Variants in TOR4A observed in about 807,000 individuals in gnomAD.
TOR4A encodes the protein torsin-4A.
A neutral mutation model predicts 11.5 loss-of-function variants in TOR4A; 12 were observed. That is an observed-to-expected ratio of 1.04 (90% confidence interval 0.67 to 1.69). TOR4A has a LOEUF of 1.69. Ranked by LOEUF, TOR4A falls within the 40% of genes most tolerant of loss-of-function variation. The pLI is 0.00. For missense variants in TOR4A, 640 were observed against 643.2 expected (o/e 0.99, Z 0.05); for synonymous variants, 362 against 307.4 (o/e 1.18, Z -1.86).
In TOR4A at chr9:137,280,317, G is replaced by A. The variant is rs138341368; in HGVS notation, c.*356G>A. 1.5e-3 allele frequency: 472 copies of A among 321,164 alleles called. 2 individuals are homozygous for A. The highest frequency in any genetic ancestry group is 9.2e-3 in the African/African-American group (435 of 47,532). 19.9% of individuals were successfully genotyped at this position (321,164 alleles called of 1,614,324 possible). On this transcript the variant is annotated 3_prime_UTR_variant, in exon 2 of 2. Coordinates refer to ENST00000357503, the MANE Select transcript of TOR4A (RefSeq NM_017723.3). ...GGTCACACAGCTGGGACGTGACCCC[G>A]CCTCTTGGGGGTGGTCGCGTGTTGC...
Position 137,279,211 on chromosome 9 carries a change from G to A in TOR4A, c.522G>A (p.Leu174=), listed in dbSNP as rs769019138. Residue 174 remains leucine, a synonymous_variant, in exon 2 of 2, where the codon CTG becomes CTA. Coordinates refer to ENST00000357503, the MANE Select transcript of TOR4A (RefSeq NM_017723.3). ...QPAAVSRIVA[L]MRDYLATHVH... is the part of the protein sequence containing the mutation. Reference sequence around the variant, plus strand: ...CTGCCGTATCGCGCATCGTGGCGCTGATGCGGGACTACCTGGCCACGCATG... The same window carrying A: ...CTGCCGTATCGCGCATCGTGGCGCTAATGCGGGACTACCTGGCCACGCATG... 10 of 1,547,402 alleles carry A rather than the reference G, an allele frequency of 6.5e-6. No individual in the cohort carries two copies. Among genetic ancestry groups the A allele is most frequent in the African/African-American group, 2.7e-5 (2 of 73,182 alleles).
Position 137,279,747 on chromosome 9 carries a change from C to G in TOR4A, c.1058C>G (p.Pro353Arg). ...SLLAVLSREH[P>R]LWQAAAIVPF... ...CTGGCTGTGCTGTCCCGGGAGCATC[C>G]GCTGTGGCAGGCCGCGGCCATCGTG... Residue 353 changes from proline (P) to arginine (R), a missense_variant, in exon 2 of 2, where the codon CCG becomes CGG. Physicochemically the swap from Pro to Arg is moderately radical, Grantham distance 103. Coordinates refer to ENST00000357503, the MANE Select transcript of TOR4A (RefSeq NM_017723.3). The G allele has an allele frequency of 1.3e-6, 2 of 1,584,060 alleles. No homozygotes were observed. The highest frequency in any genetic ancestry group is 1.7e-6 in the Non-Finnish European group (2 of 1,172,782).
Position 137,282,616 on chromosome 9 carries a change from T to TAACA in TOR4A, c.*2657_*2658insCAAA. On this transcript the variant is annotated 3_prime_UTR_variant, in exon 2 of 2. Transcript: ENST00000357503. ...AAACGAGGCCACAAATCATGCTTGTTAATAAATTGTGTGGTTCAAATCTGA... is the reference window on the plus strand; with the variant it reads ...AAACGAGGCCACAAATCATGCTTGTTAACAAATAAATTGTGTGGTTCAAATCTGA... The TAACA allele has an allele frequency of 6.0e-6, 1 of 167,234 alleles. No individual in the cohort carries two copies. The allele number at this position is 167,234 out of a possible 1,614,324, so 10.4% of individuals were successfully genotyped here.
At chr9:137,278,578 G>A (rs1830673122) in intron 1 of TOR4A, 75 bp from the exon 2 acceptor site, 3 of 1,065,522 alleles carry the variant, frequency 2.8e-6, no homozygotes, top group Non-Finnish European at 3.6e-6. Context: ...AGATCACTCC[G>A]GGGACCGGTT....
At position 137,279,574 on chromosome 9, in the gene TOR4A, C is replaced by G; in HGVS notation, c.885C>G (p.Ile295Met). 2 of 1,578,930 alleles carry G rather than the reference C, an allele frequency of 1.3e-6. No individual in the cohort carries two copies. The highest frequency in any genetic ancestry group is 1.7e-6 in the Non-Finnish European group (2 of 1,165,976). The stretch of plus-strand genomic sequence containing the variant: ...GCTCCCACCACTTCCACAACGCCAT[C>G]TACGTGCTCCTCAGTGGCGCGGGTG... ...PQRSHHFHNA[I>M]YVLLSGAGGA... is the part of the protein sequence containing the mutation. Residue 295 changes from isoleucine to methionine, a missense_variant, in exon 2 of 2, where the codon ATC becomes ATG. Transcript: ENST00000357503.
Position 137,279,140 on chromosome 9 carries a change from G to T in TOR4A, c.451G>T (p.Asp151Tyr). ...CGATAACGCGCAGCGCTATGACCTC[G>T]ACGGGCTGGAGAAAGCGCTGCAGCG... is the stretch of plus-strand genomic sequence containing the variant. ...LDDNAQRYDL[D>Y]GLEKALQRAV... is the part of the protein sequence containing the mutation. Residue 151 changes from aspartate to tyrosine, a missense_variant, in exon 2 of 2, where the codon GAC becomes TAC. Coordinates refer to ENST00000357503, the MANE Select transcript of TOR4A (RefSeq NM_017723.3). 6.3e-7 allele frequency: 1 copy of T among 1,580,278 alleles called. No homozygotes were observed. The highest frequency in any genetic ancestry group is 1.2e-5 in the South Asian group (1 of 86,768).
rs765886401 is a variant in TOR4A, at chr9:137,278,794, G to A, written c.105G>A (p.Arg35=). 6.8e-7 allele frequency: 1 copy of A among 1,460,594 alleles called. No homozygotes were observed. The highest frequency in any genetic ancestry group is 8.9e-7 in the Non-Finnish European group (1 of 1,117,798). 90.5% of individuals were successfully genotyped at this position (1,460,594 alleles called of 1,614,324 possible). ...PVRAVLRLRR[R]VCVLRKRRLL... is the part of the protein sequence containing the mutation. Reference sequence around the variant, plus strand: ...GCGCTGTGCTCCGCCTGCGCCGCCGGGTGTGTGTCCTACGCAAACGGCGCC... The same window carrying A: ...GCGCTGTGCTCCGCCTGCGCCGCCGAGTGTGTGTCCTACGCAAACGGCGCC... The change falls in exon 2 of 2, where the codon CGG becomes CGA. Residue 35 remains arginine, a synonymous_variant. Coordinates refer to ENST00000357503, the MANE Select transcript of TOR4A (RefSeq NM_017723.3).
In TOR4A at chr9:137,278,707, C is replaced by CAGCCTGGAGCCTGCTGCCGCGGCCCCCCG; in HGVS notation, c.24_52dup (p.Ser18TrpfsTer15). 1.5e-6 allele frequency: 2 copies of CAGCCTGGAGCCTGCTGCCGCGGCCCCCCG among 1,363,810 alleles called. No individual in the cohort carries two copies. The highest frequency in any genetic ancestry group is 1.9e-6 in the Non-Finnish European group (2 of 1,064,272). 84.5% of individuals were successfully genotyped at this position (1,363,810 alleles called of 1,614,324 possible). ...CCTGCGACATGGACCGCGGCCAGCCCAGCCTGGAGCCTGCTGCCGCGGCCC... is the reference window on the plus strand; with the variant it reads ...CCTGCGACATGGACCGCGGCCAGCCCAGCCTGGAGCCTGCTGCCGCGGCCCCCCGAGCCTGGAGCCTGCTGCCGCGGCCC... On this transcript the variant is annotated frameshift_variant, in exon 2 of 2. Coordinates refer to ENST00000357503, the MANE Select transcript of TOR4A (RefSeq NM_017723.3). LOFTEE classifies it high-confidence loss of function.
Position 137,279,658 on chromosome 9 carries a change from C to T in TOR4A, c.969C>T (p.Pro323=), listed in dbSNP as rs528018626. Residue 323 remains proline (P), a synonymous_variant, in exon 2 of 2, where the codon CCC becomes CCT. Transcript: ENST00000357503. ...QNASRALPLR[P]DGFRSAEAAA... is the part of the protein sequence containing the mutation. ...CGTCCCGCGCGCTGCCCCTGCGCCCCGACGGCTTCCGCAGTGCCGAGGCCG... is the reference window on the plus strand; with the variant it reads ...CGTCCCGCGCGCTGCCCCTGCGCCCTGACGGCTTCCGCAGTGCCGAGGCCG... The T allele has an allele frequency of 6.4e-7, 1 of 1,563,492 alleles. No individual in the cohort carries two copies. Among genetic ancestry groups the T allele is most frequent in the Non-Finnish European group, 8.6e-7 (1 of 1,160,058 alleles).
chr9:137,282,207 C>CT lies in TOR4A; in HGVS notation c.*2256dup, dbSNP rs551038826. On this transcript the variant is annotated 3_prime_UTR_variant, in exon 2 of 2. Transcript: ENST00000357503. The stretch of plus-strand genomic sequence containing the variant: ...ATTTTATCTCTTTCTTTCTTTCTTT[C>CT]TTTTTTTTTTGACACAGAGTTTTGC... 69 of 160,792 alleles carry CT rather than the reference C, an allele frequency of 4.3e-4. No individual in the cohort carries two copies. Among genetic ancestry groups the CT allele is most frequent in the African/African-American group, 6.1e-4 (25 of 40,824 alleles). The allele number at this position is 160,792 out of a possible 1,614,324, so 10.0% of individuals were successfully genotyped here. A position where few individuals can be genotyped will look rare whatever the true frequency, so the allele number is the denominator to read the frequency against.
In TOR4A at chr9:137,279,922, C is replaced by A; in HGVS notation, c.1233C>A (p.Thr411=). 2 of 1,580,096 alleles carry A rather than the reference C, an allele frequency of 1.3e-6. No individual in the cohort carries two copies. Among genetic ancestry groups the A allele is most frequent in the Non-Finnish European group, 1.7e-6 (2 of 1,164,006 alleles). The stretch of plus-strand genomic sequence containing the variant: ...TGGCTGGCCGCGAGTTTGCCGTCAC[C>A]GGCTGCAAGCAGGTGGTGGCCACGG... The part of the protein sequence containing the change: ...YRVAGREFAV[T]GCKQVVATVN... Residue 411 remains threonine (T), a synonymous_variant, in exon 2 of 2, where the codon ACC becomes ACA. Transcript: ENST00000357503.
chr9:137,279,448 G>A lies in TOR4A; in HGVS notation c.759G>A (p.Arg253=). ...LARRVADVVA[R]AEAEEKTPLL... ...GGCGCGTGGCCGACGTGGTGGCGCG[G>A]GCCGAAGCGGAGGAGAAGACCCCAC... The change falls in exon 2 of 2, where the codon CGG becomes CGA. Residue 253 remains arginine, a synonymous_variant. Coordinates refer to ENST00000357503, the MANE Select transcript of TOR4A (RefSeq NM_017723.3). 1.3e-6 allele frequency: 2 copies of A among 1,541,012 alleles called. No individual in the cohort carries two copies. Among genetic ancestry groups the A allele is most frequent in the South Asian group, 1.2e-5 (1 of 84,072 alleles).
Position 137,280,131 on chromosome 9 carries a change from C to T in TOR4A, c.*170C>T, listed in dbSNP as rs73567790. The T allele has an allele frequency of 1.1e-3, 866 of 766,728 alleles. 4 individuals carry two copies. The African/African-American group carries it at 0.012, about 11-fold the overall frequency. 47.5% of individuals were successfully genotyped at this position (766,728 alleles called of 1,614,324 possible). On this transcript the variant is annotated 3_prime_UTR_variant, in exon 2 of 2. Transcript: ENST00000357503. ...CCAGGTCCACACCCGCCTCAGAGTC[C>T]GGAGTCTGTCCCTGGGGGCGGCAGG... is the stretch of plus-strand genomic sequence containing the variant.
chr9:137,279,603 C>T lies in TOR4A; in HGVS notation c.914C>T (p.Ala305Val). 1.3e-6 allele frequency: 2 copies of T among 1,567,878 alleles called. No homozygotes were observed. The highest frequency in any genetic ancestry group is 4.6e-5 in the East Asian group (2 of 43,300). The change falls in exon 2 of 2, where the codon GCC (alanine) becomes GTC (valine). Residue 305 changes from alanine to valine, a missense_variant. Ala to Val is a moderately conservative substitution (Grantham distance 64). Coordinates refer to ENST00000357503, the MANE Select transcript of TOR4A (RefSeq NM_017723.3). Reference protein sequence around the residue: ...IYVLLSGAGGAEVTRFVLQNA... With the variant: ...IYVLLSGAGGVEVTRFVLQNA... Reference sequence around the variant, plus strand: ...GTGCTCCTCAGTGGCGCGGGTGGCGCCGAGGTCACGCGCTTCGTGCTGCAG... The same window carrying T: ...GTGCTCCTCAGTGGCGCGGGTGGCGTCGAGGTCACGCGCTTCGTGCTGCAG...
At position 137,279,846 on chromosome 9, in the gene TOR4A, C is replaced by A; in HGVS notation, c.1157C>A (p.Pro386His). The A allele has an allele frequency of 6.3e-7, 1 of 1,594,496 alleles. No individual in the cohort carries two copies. Among genetic ancestry groups the A allele is most frequent in the East Asian group, 2.3e-5 (1 of 44,244 alleles). The change falls in exon 2 of 2, where the codon CCT becomes CAT. Residue 386 changes from proline to histidine, a missense_variant. Pro to His is a moderately conservative substitution (Grantham distance 77, BLOSUM62 -2). Transcript: ENST00000357503. The part of the protein sequence containing the change: ...RDEMAGEGFF[P>H]DQARAENLAA... Reference sequence around the variant, plus strand: ...GAGATGGCGGGTGAGGGCTTCTTTCCTGACCAGGCCCGCGCGGAGAACCTG... The same window carrying A: ...GAGATGGCGGGTGAGGGCTTCTTTCATGACCAGGCCCGCGCGGAGAACCTG...
chr9:137,279,512 C>A lies in TOR4A; in HGVS notation c.823C>A (p.Leu275Met). Reference sequence around the variant, plus strand: ...CGACGTGGAGCTCATGCCGCGGCCGCTGCTGGACGAGCTGCACGGCTTCCT... The same window carrying A: ...CGACGTGGAGCTCATGCCGCGGCCGATGCTGGACGAGCTGCACGGCTTCCT... ...LDDVELMPRPLLDELHGFLQP... is the reference protein window; with the variant it reads ...LDDVELMPRPMLDELHGFLQP... The change falls in exon 2 of 2, where the codon CTG becomes ATG. Residue 275 changes from leucine (L) to methionine (M), a missense_variant. Coordinates refer to ENST00000357503, the MANE Select transcript of TOR4A (RefSeq NM_017723.3). The A allele has an allele frequency of 6.3e-7, 1 of 1,583,928 alleles. No individual in the cohort carries two copies. The highest frequency in any genetic ancestry group is 2.3e-5 in the East Asian group (1 of 43,350).
rs892768738 is a variant in TOR4A at position 137,278,639 on chromosome 9, T to A, written c.-37-14T>A. ...GGCGGGAGTCCAGAGACCCTCCCCG[T>A]CTTCCCGTTGCAGGGAGGGCGACCT... is the stretch of plus-strand genomic sequence containing the variant. On this transcript the variant is annotated splice_polypyrimidine_tract_variant and intron_variant, in intron 1 of 1. Transcript: ENST00000357503. 44 of 1,273,724 alleles carry A rather than the reference T, an allele frequency of 3.5e-5. 1 individual carries two copies. The African/African-American group carries it at 6.6e-4, about 19-fold the overall frequency. The allele number at this position is 1,273,724 out of a possible 1,614,324, so 78.9% of individuals were successfully genotyped here.
chr9:137,279,447 G>T lies in TOR4A; in HGVS notation c.758G>T (p.Arg253Leu). Residue 253 changes from arginine to leucine, a missense_variant, in exon 2 of 2, where the codon CGG (arginine) becomes CTG (leucine). Coordinates refer to ENST00000357503, the MANE Select transcript of TOR4A (RefSeq NM_017723.3). The stretch of plus-strand genomic sequence containing the variant: ...CGGCGCGTGGCCGACGTGGTGGCGC[G>T]GGCCGAAGCGGAGGAGAAGACCCCA... ...LARRVADVVA[R>L]AEAEEKTPLL... 6.5e-7 allele frequency: 1 copy of T among 1,540,188 alleles called. No individual in the cohort carries two copies.
rs1298719792 is a variant in TOR4A, at chr9:137,279,198, G to A, written c.509G>A (p.Arg170His). ...TTCGGCCAGCCCGCTGCCGTATCGC[G>A]CATCGTGGCGCTGATGCGGGACTAC... ...AVFGQPAAVS[R>H]IVALMRDYLA... Residue 170 changes from arginine (R) to histidine (H), a missense_variant, in exon 2 of 2, where the codon CGC becomes CAC. Transcript: ENST00000357503. 1.2e-5 allele frequency: 19 copies of A among 1,551,534 alleles called. No individual in the cohort carries two copies. Among genetic ancestry groups the A allele is most frequent in the Non-Finnish European group, 1.6e-5 (18 of 1,148,056 alleles).
Sources: allele counts gnomAD v4.1 joint callset, GRCh38; gene constraint gnomAD v4.1.1; transcripts MANE v1.5; gene names NCBI Gene and HGNC (gene_info 2026-07-23, HGNC 2026-07-21).